DMD: variants seen among roughly 807,000 people sequenced by gnomAD.
DMD encodes the protein mutant dystrophin.
DMD carries 63 observed loss-of-function variants against 330.1 expected under a neutral mutation model. The observed-to-expected ratio is 0.19, with a 90% CI of 0.16 to 0.24. The LOEUF (loss-of-function observed/expected upper bound fraction) is 0.24, where lower values mean the gene tolerates loss of function less well. Among genes scored for constraint, DMD ranks in the 10% least tolerant of loss-of-function variants. The probability of loss-of-function intolerance (pLI) is 1.00; values close to 1 mark genes in which losing one functional copy is unlikely to be tolerated. For missense variants in DMD, 3,344 were observed against 2,684.1 expected, an observed-to-expected ratio of 1.25 and a Z score of -5.43; for synonymous variants, 1,223 against 959.8, an observed-to-expected ratio of 1.27 and a Z score of -5.07.
At chrX:32,073,663 A>G (rs1284699137) in intron 44 of DMD, among the ~76,000 whole-genome samples, 2 of 111,850 alleles carry the variant, frequency 1.8e-5, no homozygotes, top group Non-Finnish European at 3.8e-5. Context: ...AAACTGTTAA[A>G]TATTTAAAAC....
rs2097446590 is a variant in DMD at position 32,287,405 on chromosome X, T to A, written c.6290+124A>T. 3 of 629,952 alleles carry A rather than the reference T, an allele frequency of 4.8e-6. No homozygotes were observed. In the Admixed American group the frequency reaches 8.7e-5, roughly 18 times the overall value. 51.9% of individuals were successfully genotyped at this position (629,952 alleles called of 1,213,427 possible). ...TTTGTTCTCATTTTACTTACCATTT[T>A]TCAATGAGAGTGATACTTCTTTTTC... On this transcript the variant is annotated intron_variant, in intron 43 of 78. Coordinates refer to ENST00000357033, the MANE Select transcript of DMD (RefSeq NM_004006.3).
intron 49 of DMD, among the ~76,000 whole-genome samples, chrX:31,824,197 G>A (rs1367702529): frequency 1.8e-5 from 2 of 112,015 alleles, no homozygotes; most frequent in Non-Finnish European, 3.8e-5. Context: ...GTGGGGAATT[G>A]AGGCCAACAT....
chrX:32,514,672 C>T (rs376169783), intron 18 of DMD, among the ~76,000 whole-genome samples: 1 of 112,409 alleles, frequency 8.9e-6, no homozygotes, highest in Admixed American at 9.3e-5. Flanking sequence ...ACCCGGGAGG[C>T]AGAGCTTGCA....
chrX:31,864,030 C>T (rs2149620715), intron 48 of DMD, among the ~76,000 whole-genome samples: 1 of 111,178 alleles, frequency 9.0e-6, no homozygotes, highest in South Asian at 3.8e-4. Context: ...CCACGGGATA[C>T]ATTCTAAACT....
chrX:32,896,915 G>A (rs1245562871), intron 2 of DMD, among the ~76,000 whole-genome samples: 2 of 112,191 alleles, frequency 1.8e-5, no homozygotes, highest in African/African-American at 3.2e-5. Flanking sequence ...TTAAACGTCA[G>A]CAATTGAAAC....
intron 2 of DMD, among the ~76,000 whole-genome samples, chrX:32,935,039 C>T (rs918522111): frequency 8.8e-6 from 1 of 113,075 alleles, no homozygotes; most frequent in East Asian, 2.8e-4. Context: ...AGCGCAGTGG[C>T]GCGATCTCGG....
intron 76 of DMD, among the ~76,000 whole-genome samples, chrX:31,141,277 A>T (rs2147865985): frequency 8.9e-6 from 1 of 112,377 alleles, no homozygotes; most frequent in East Asian, 2.8e-4. Flanking sequence ...CCAAAAGAAA[A>T]CTCACTGAGT....
chrX:32,893,674 T>A (rs1259877919), intron 2 of DMD, among the ~76,000 whole-genome samples: 1 of 111,777 alleles, frequency 8.9e-6, no homozygotes, highest in Non-Finnish European at 1.9e-5. Context: ...GGAAATTTTT[T>A]TTTTTAGGTA....
intron 30 of DMD, among the ~76,000 whole-genome samples, chrX:32,391,460 A>G (rs2098001772): frequency 8.9e-6 from 1 of 111,873 alleles, no homozygotes; most frequent in African/African-American, 3.2e-5. Context: ...AAGGTTATAA[A>G]TTCACAGATG....
chrX:32,988,944 A>T (rs2092913111), intron 2 of DMD, among the ~76,000 whole-genome samples: 1 of 111,913 alleles, frequency 8.9e-6, no homozygotes, highest in Non-Finnish European at 1.9e-5. Context: ...AATACATAAG[A>T]TATTATAAAA....
At chrX:31,189,455 G>A (rs973932093) in intron 67 of DMD, among the ~76,000 whole-genome samples, 2 of 111,011 alleles carry the variant, frequency 1.8e-5, no homozygotes, top group Non-Finnish European at 3.8e-5. Context: ...CTGCATTTTC[G>A]ATACGCATTT....
intron 41 of DMD, among the ~76,000 whole-genome samples, chrX:32,336,163 G>A (rs2097714220): frequency 9.1e-6 from 1 of 109,690 alleles, no homozygotes; most frequent in African/African-American, 3.3e-5. Flanking sequence ...ATCTGTGTGT[G>A]TATAACATGT....
intron 71 of DMD, among the ~76,000 whole-genome samples, chrX:31,176,801 C>G (rs1015219301): frequency 2.3e-4 from 25 of 111,085 alleles, no homozygotes; most frequent in African/African-American, 7.8e-4. Context: ...TACCATATCT[C>G]AAAATTAAGG....
intron 7 of DMD, among the ~76,000 whole-genome samples, chrX:32,721,233 G>T (rs1053861197): frequency 1.8e-5 from 2 of 110,825 alleles, no homozygotes; most frequent in African/African-American, 6.6e-5. Flanking sequence ...GAGTGGGATT[G>T]TTGGGTCATA....
intron 7 of DMD, among the ~76,000 whole-genome samples, chrX:32,724,183 T>C (rs1263741535): frequency 1.8e-5 from 2 of 112,200 alleles, no homozygotes; most frequent in African/African-American, 3.2e-5. Context: ...TGTATAAATA[T>C]ACAATTAAGA....
chrX:33,051,280 C>T (rs369824444), intron 1 of DMD, among the ~76,000 whole-genome samples: 1 of 103,763 alleles, frequency 9.6e-6, no homozygotes. Context: ...GTTTCAATCT[C>T]GGCTCACTGC....
chrX:33,322,415 C>A (rs1396113576), intron 1 of DMD, among the ~76,000 whole-genome samples: 1 of 110,343 alleles, frequency 9.1e-6, no homozygotes, highest in Non-Finnish European at 1.9e-5. Flanking sequence ...GTTGGTAGAG[C>A]ACTCAGAACA....
At chrX:31,481,074 T>G (rs1029546301) in intron 57 of DMD, among the ~76,000 whole-genome samples, 5 of 112,173 alleles carry the variant, frequency 4.5e-5, no homozygotes, top group African/African-American at 1.6e-4. Context: ...TATCGGAATC[T>G]CAAGCAGGCC....
intron 48 of DMD, among the ~76,000 whole-genome samples, chrX:31,856,348 G>A (rs2093613129): frequency 1.8e-5 from 2 of 112,084 alleles, no homozygotes; most frequent in African/African-American, 3.2e-5. Context: ...TATCTGAGGA[G>A]ACCTACAGAG....
Sources: gnomAD v4.1 joint callset for allele counts (sites outside exome capture counted in the v4.1 genomes callset) on GRCh38, gnomAD v4.1.1 for gene constraint, MANE v1.5 for transcripts, NCBI Gene and HGNC (gene_info 2026-07-23, HGNC 2026-07-21) for gene names.